Variants in NOS1 observed in about 807,000 individuals in gnomAD.
The protein encoded by NOS1 is NOS type I.
NOS1 carries 51 observed loss-of-function variants against 164.5 expected under a neutral mutation model. The observed-to-expected ratio is 0.31, with a 90% confidence interval of 0.25 to 0.39. The LOEUF (loss-of-function observed/expected upper bound fraction) is 0.39, where lower values mean the gene tolerates loss of function less well. NOS1 is among the 10% of genes least tolerant of loss of function. The pLI is 1.00. For missense variants in NOS1, 1,362 were observed against 1,885.6 expected, an observed-to-expected ratio of 0.72 and a Z score of 5.14; for synonymous variants, 719 against 745.8, an observed-to-expected ratio of 0.96 and a Z score of 0.59.
chr12:117,221,747 G>A (rs1410396027), intron 26 of NOS1, among the ~76,000 whole-genome samples: 3 of 150,954 alleles, frequency 2.0e-5, no homozygotes, highest in Non-Finnish European at 4.4e-5. Flanking sequence ...CCCACCTCAA[G>A]CTGCCCTCCT....
In NOS1 at chr12:117,361,529, T is replaced by C. The variant is rs1269008813; in HGVS notation, c.-438A>G. 4 of 151,874 alleles carry C rather than the reference T, an allele frequency of 2.6e-5. No individual in the cohort carries two copies. The highest frequency in any genetic ancestry group is 1.3e-4 in the Admixed American group (2 of 15,242). 9.4% of individuals were successfully genotyped at this position (151,874 alleles called of 1,614,324 possible). ...TGGCTCACCCCGTCCGCTCGGCCGCTGCTCGCTGCCCGGCCGCCCCTCGGA... is the reference window on the plus strand; with the variant it reads ...TGGCTCACCCCGTCCGCTCGGCCGCCGCTCGCTGCCCGGCCGCCCCTCGGA... On this transcript the variant is annotated 5_prime_UTR_variant, in exon 1 of 29. Coordinates refer to ENST00000317775, the MANE Select transcript of NOS1 (RefSeq NM_000620.5).
At chr12:117,326,198 C>T (rs1875236386) in intron 2 of NOS1, among the ~76,000 whole-genome samples, 2 of 151,898 alleles carry the variant, frequency 1.3e-5, no homozygotes, top group Non-Finnish European at 2.9e-5. Flanking sequence ...CCAGCCTGGC[C>T]AACATGGCGA....
chr12:117,325,000 TG>T (rs1875173672), intron 2 of NOS1, among the ~76,000 whole-genome samples: 1 of 151,838 alleles, frequency 6.6e-6, no homozygotes, highest in East Asian at 1.9e-4. Context: ...AGAAAGAAAA[TG>T]GGGACAACAG....
intron 28 of NOS1, among the ~76,000 whole-genome samples, 188 bp downstream of exon 28, chr12:117,217,858 C>G (rs1007416719): frequency 1.3e-5 from 2 of 152,218 alleles, no homozygotes; most frequent in Admixed American, 1.3e-4. Flanking sequence ...CTGCTGCATC[C>G]TAACTCCTGA....
rs765858548 is a variant in NOS1, at chr12:117,225,114, C to T, written c.3728G>A (p.Arg1243Gln). Residue 1243 changes from arginine (R) to glutamine (Q), a missense_variant, in exon 25 of 29, where the codon CGG becomes CAG. Arg to Gln is a conservative substitution (Grantham distance 43, BLOSUM62 1). This residue lies in a region of NOS1 where 737 missense variants were observed against 1,030.3 expected (regional missense o/e 0.72). Transcript: ENST00000317775. The part of the protein sequence containing the change: ...VRGAPSFHLP[R>Q]NPQVPCILVG... Reference sequence around the variant, plus strand: ...GAGGATGCAGGGGACTTGGGGGTTCCGGGGCAGGTGGAAGCTGGGTGCTCT... The same window carrying T: ...GAGGATGCAGGGGACTTGGGGGTTCTGGGGCAGGTGGAAGCTGGGTGCTCT... The T allele has an allele frequency of 1.1e-5, 18 of 1,613,328 alleles. No individual in the cohort carries two copies. Among genetic ancestry groups the T allele is most frequent in the East Asian group, 1.1e-4 (5 of 44,890 alleles).
rs9658547 is a variant in NOS1 at position 117,217,562 on chromosome 12, G to A, written c.4289+484C>T. 1.2e-3 allele frequency among the ~76,000 whole-genome samples: 189 copies of A among 152,172 alleles called. 1 individual carries two copies. Among genetic ancestry groups the A allele is most frequent in the African/African-American group, 4.0e-3 (168 of 41,528 alleles). On this transcript the variant is annotated intron_variant, in intron 28 of 28. Transcript: ENST00000317775. The stretch of plus-strand genomic sequence containing the variant: ...TCTACTAAAAATACAAAACTTAGCC[G>A]GGTGTGGTGGTGCACGCCTGTAGTC...
intron 1 of NOS1, among the ~76,000 whole-genome samples, chr12:117,350,376 C>A (rs1296241525): frequency 6.6e-6 from 1 of 152,140 alleles, no homozygotes; most frequent in East Asian, 1.9e-4. Flanking sequence ...GCTATTTCAA[C>A]AGATTATTCA....
rs374336268 is a variant in NOS1 at position 117,321,846 on chromosome 12, A to G, written c.725+8499T>C. ...CTAACTAGCGTGAGTCCTCGAAGCA[A>G]AAACCGAGCCAGTCCTCTTCCCTGC... On this transcript the variant is annotated intron_variant, in intron 2 of 28. Coordinates refer to ENST00000317775, the MANE Select transcript of NOS1 (RefSeq NM_000620.5). Among the ~76,000 whole-genome samples the G allele has an allele frequency of 3.3e-5, 5 of 152,012 alleles. No individual in the cohort carries two copies. In the East Asian group the frequency reaches 5.8e-4, roughly 18 times the overall value.
chr12:117,332,986 G>A (rs1875620437), intron 1 of NOS1, among the ~76,000 whole-genome samples: 1 of 152,322 alleles, frequency 6.6e-6, no homozygotes, highest in East Asian at 1.9e-4. Context: ...ATGGGGTCTG[G>A]TTGGGGTACC....
In NOS1 at chr12:117,258,423, G is replaced by A; in HGVS notation, c.2505C>T (p.His835=). The A allele has an allele frequency of 6.2e-7, 1 of 1,614,160 alleles. No homozygotes were observed. The highest frequency in any genetic ancestry group is 8.5e-7 in the Non-Finnish European group (1 of 1,180,028). ...TCCTTTCTTCCTGCACAGAGTTGGG[G>A]TGCCTCATTTCCATCAAAGCACAGC... ...KFGCALMEMR[H]PNSVQEERKS... The change falls in exon 16 of 29, where the codon CAC becomes CAT. Residue 835 remains histidine, a synonymous_variant. Coordinates refer to ENST00000317775, the MANE Select transcript of NOS1 (RefSeq NM_000620.5).
rs377207387 is a variant in NOS1, at chr12:117,269,382, G to T, written c.1840-1238C>A. 2.7e-5 allele frequency among the ~76,000 whole-genome samples: 4 copies of T among 150,832 alleles called. No individual in the cohort carries two copies. The South Asian group carries it at 6.4e-4, about 24-fold the overall frequency. On this transcript the variant is annotated intron_variant, in intron 10 of 28. Coordinates refer to ENST00000317775, the MANE Select transcript of NOS1 (RefSeq NM_000620.5). ...TGGGAGTGAGACAGGACTAGCTGGTGTAAGATCTTGAAAGACATGCCAAGG... is the reference window on the plus strand; with the variant it reads ...TGGGAGTGAGACAGGACTAGCTGGTTTAAGATCTTGAAAGACATGCCAAGG...
intron 17 of NOS1, among the ~76,000 whole-genome samples, chr12:117,252,930 G>A (rs947498025): frequency 1.3e-5 from 2 of 152,166 alleles, no homozygotes; most frequent in Admixed American, 6.5e-5. Context: ...CAATATCCAC[G>A]AAACCAAGGG....
chr12:117,281,048 C>G (rs1196985075), intron 7 of NOS1, among the ~76,000 whole-genome samples, 182 bp from the exon 8 acceptor site: 1 of 152,136 alleles, frequency 6.6e-6, no homozygotes, highest in Non-Finnish European at 1.5e-5. Context: ...TGTTCCTCCA[C>G]CAGAACTATG....
chr12:117,276,479 T>C (rs2136003990), intron 9 of NOS1, among the ~76,000 whole-genome samples: 1 of 152,270 alleles, frequency 6.6e-6, no homozygotes, highest in African/African-American at 2.4e-5. Context: ...GATAGGGTTT[T>C]GCCATGTTGG....
chr12:117,261,042 G>A (rs9658419), intron 13 of NOS1, among the ~76,000 whole-genome samples: 2,639 of 151,860 alleles, frequency 0.017, 91 homozygotes, highest in African/African-American at 0.059. Flanking sequence ...GGCAGCGTGC[G>A]CCTGTAGTCC....
intron 1 of NOS1, among the ~76,000 whole-genome samples, chr12:117,354,744 A>T (rs1265379040): frequency 6.6e-6 from 1 of 152,168 alleles, no homozygotes; most frequent in Non-Finnish European, 1.5e-5. Flanking sequence ...TGTTTTGGAC[A>T]CCATGAGCTA....
intron 2 of NOS1, among the ~76,000 whole-genome samples, chr12:117,311,872 GAGA>G (rs1002619898): frequency 8.5e-5 from 13 of 152,182 alleles, no homozygotes; most frequent in African/African-American, 2.9e-4. Context: ...GGATGGCAAG[GAGA>G]AGGATTTTGC....
chr12:117,251,469 G>A (rs907821968), intron 17 of NOS1, among the ~76,000 whole-genome samples: 1 of 152,054 alleles, frequency 6.6e-6, no homozygotes, highest in African/African-American at 2.4e-5. Context: ...GAATGTAGTA[G>A]TAGCGTGATC....
At chr12:117,344,889 A>C (rs181501439) in intron 1 of NOS1, among the ~76,000 whole-genome samples, 1 of 152,208 alleles carries the variant, frequency 6.6e-6, no homozygotes, top group Admixed American at 6.5e-5. Context: ...TTCACATTAC[A>C]TTTTGGAGAT....
Sources: allele counts gnomAD v4.1 joint callset (sites outside exome capture counted in the v4.1 genomes callset), GRCh38; gene constraint gnomAD v4.1.1; regional missense constraint gnomAD v4.1.1; transcripts MANE v1.5; gene names NCBI Gene and HGNC (gene_info 2026-07-23, HGNC 2026-07-21).